Variants in GNAI1 observed in about 807,000 individuals in gnomAD.
GNAI1 encodes the protein G protein subunit alpha i1, also known as guanine nucleotide-binding protein G(i) subunit alpha-1.
Under a neutral mutation model 38.9 loss-of-function variants are expected in GNAI1, and 11 were observed. The observed-to-expected ratio is 0.28, with a 90% CI of 0.18 to 0.47. The LOEUF is 0.47. Ranked by LOEUF, GNAI1 falls within the 20% of genes least tolerant of loss-of-function variation. GNAI1 has a pLI of 0.99. For missense variants in GNAI1, 317 were observed against 436.9 expected (o/e 0.73, Z 2.45); for synonymous variants, 166 against 145.1 (o/e 1.14, Z -1.04).
At chr7:80,213,811 TTTAG>T (rs1482134350) in intron 7 of GNAI1, among the ~76,000 whole-genome samples, 2 of 151,716 alleles carry the variant, frequency 1.3e-5, no homozygotes, top group East Asian at 1.9e-4. Flanking sequence ...GTTTGAAGAG[TTTAG>T]TTATTTACCC....
intron 5 of GNAI1, 118 bp from the exon 6 acceptor site, chr7:80,210,851 C>G (rs111757271): frequency 4.0e-6 from 3 of 741,770 alleles, no homozygotes; most frequent in African/African-American, 3.6e-5. Flanking sequence ...GTCCTTCTCT[C>G]CTTCCTTTTC....
chr7:80,186,412 A>G (rs531105502), intron 1 of GNAI1, among the ~76,000 whole-genome samples: 1 of 152,318 alleles, frequency 6.6e-6, no homozygotes, highest in African/African-American at 2.4e-5. Flanking sequence ...AAGTAAGCTA[A>G]GCGTCCCATG....
At chr7:80,216,662 G>A (rs78209014) in intron 7 of GNAI1, among the ~76,000 whole-genome samples, 3,915 of 152,140 alleles carry the variant, frequency 0.026, 181 homozygotes, top group African/African-American at 0.09. Flanking sequence ...ACTGAATTGC[G>A]GGGTCAGAGT....
chr7:80,137,350 T>C (rs576669281), intron 1 of GNAI1, among the ~76,000 whole-genome samples: 1 of 127,858 alleles, frequency 7.8e-6, no homozygotes, highest in Non-Finnish European at 1.6e-5. Flanking sequence ...AGACGGAGTC[T>C]TGCGCAGTCG....
rs779071707 is a variant in GNAI1, at chr7:80,223,821, T to C, written c.*6328T>C. On this transcript the variant is annotated 3_prime_UTR_variant, in exon 8 of 8. Transcript: ENST00000649796. ...TTTTTTGCAGACTTGAGCATACGTT[T>C]AAACCATTTAACCATTCTTGAATTT... Among the ~76,000 whole-genome samples, 2 of 152,232 alleles carry C rather than the reference T, an allele frequency of 1.3e-5. No homozygotes were observed. The highest frequency in any genetic ancestry group is 2.9e-5 in the Non-Finnish European group (2 of 68,038).
At chr7:80,209,348 G>A (rs1788833388) in intron 5 of GNAI1, among the ~76,000 whole-genome samples, 1 of 152,132 alleles carries the variant, frequency 6.6e-6, no homozygotes, top group Non-Finnish European at 1.5e-5. Flanking sequence ...TGGCAAGCTT[G>A]GACATGAATT....
At chr7:80,183,240 A>C (rs546939990) in intron 1 of GNAI1, among the ~76,000 whole-genome samples, 3 of 152,240 alleles carry the variant, frequency 2.0e-5, no homozygotes, top group Admixed American at 2.0e-4. Flanking sequence ...TCATTTCAAC[A>C]GGGAGAATTG....
rs745477763 is a variant in GNAI1 at position 80,220,857 on chromosome 7, G to A, written c.*3364G>A. On this transcript the variant is annotated 3_prime_UTR_variant, in exon 8 of 8. Transcript: ENST00000649796. The stretch of plus-strand genomic sequence containing the variant: ...CTTATTTCCAGAAAATGTGTAAGTA[G>A]TGTTTCGCCTATCCCCACTCTGCCC... 1.3e-5 allele frequency among the ~76,000 whole-genome samples: 2 copies of A among 152,154 alleles called. No homozygotes were observed. The highest frequency in any genetic ancestry group is 2.9e-5 in the Non-Finnish European group (2 of 68,030).
At position 80,217,785 on chromosome 7, in the gene GNAI1, T is replaced by A. The variant is rs1788999297; in HGVS notation, c.*292T>A. 1 of 194,740 alleles carries A rather than the reference T, an allele frequency of 5.1e-6. No homozygotes were observed. Among genetic ancestry groups the A allele is most frequent in the African/African-American group, 2.3e-5 (1 of 43,400 alleles). The allele number at this position is 194,740 out of a possible 1,614,324, so 12.1% of individuals were successfully genotyped here. A position where few individuals can be genotyped will look rare whatever the true frequency, so the allele number is the denominator to read the frequency against. On this transcript the variant is annotated 3_prime_UTR_variant, in exon 8 of 8. Coordinates refer to ENST00000649796, the MANE Select transcript of GNAI1 (RefSeq NM_002069.6). ...ATGCAAATGTATGTATACATGTATT[T>A]ATGACTTTAGTTTTCGACATTATTT...
intron 1 of GNAI1, among the ~76,000 whole-genome samples, chr7:80,186,173 T>A (rs943857633): frequency 6.6e-6 from 1 of 151,762 alleles, no homozygotes; most frequent in Non-Finnish European, 1.5e-5. Flanking sequence ...GCTGGGTCTA[T>A]AGGCACCTAC....
At position 80,153,171 on chromosome 7, in the gene GNAI1, G is replaced by T. The variant is rs1224050657; in HGVS notation, c.118+17893G>T. Among the ~76,000 whole-genome samples, 6 of 152,232 alleles carry T rather than the reference G, an allele frequency of 3.9e-5. No homozygotes were observed. The East Asian group carries it at 1.2e-3, about 29-fold the overall frequency. ...ACAGGCCAGCCCCTGCATGATAGTG[G>T]TGGAGATTCCAAGAGGGCAGTTAAA... On this transcript the variant is annotated intron_variant, in intron 1 of 7. Transcript: ENST00000649796.
intron 1 of GNAI1, among the ~76,000 whole-genome samples, chr7:80,158,171 A>G (rs955470418): frequency 3.3e-5 from 5 of 152,050 alleles, no homozygotes; most frequent in African/African-American, 7.2e-5. Context: ...CAGTACTCCA[A>G]CTTTGTTCTT....
intron 5 of GNAI1, among the ~76,000 whole-genome samples, chr7:80,205,131 G>A (rs78916333): frequency 0.01 from 1,571 of 152,206 alleles, 25 homozygotes; most frequent in African/African-American, 0.035. Flanking sequence ...TGGGAGGCCC[G>A]TCTGAAGTCA....
At chr7:80,169,447 C>T (rs1198715044) in intron 1 of GNAI1, among the ~76,000 whole-genome samples, 2 of 152,088 alleles carry the variant, frequency 1.3e-5, no homozygotes, top group African/African-American at 2.4e-5. Context: ...TATATAAAAT[C>T]AGTAGTCTTT....
chr7:80,154,808 C>T (rs1020054651), intron 1 of GNAI1, among the ~76,000 whole-genome samples: 1 of 152,134 alleles, frequency 6.6e-6, no homozygotes, highest in South Asian at 2.1e-4. Flanking sequence ...TGATTATTGT[C>T]AGTGGAGCTT....
At chr7:80,144,460 G>C (rs1236114150) in intron 1 of GNAI1, among the ~76,000 whole-genome samples, 2 of 152,148 alleles carry the variant, frequency 1.3e-5, no homozygotes, top group African/African-American at 4.8e-5. Flanking sequence ...AACCTTAATA[G>C]AGAAACAGTG....
At chr7:80,188,190 T>C (rs1257671399) in intron 1 of GNAI1, among the ~76,000 whole-genome samples, 1 of 152,242 alleles carries the variant, frequency 6.6e-6, no homozygotes, top group African/African-American at 2.4e-5. Flanking sequence ...CCATGAGACA[T>C]AGCTGTTTGA....
rs112330788 is a variant in GNAI1 at position 80,195,181 on chromosome 7, A to G, written c.304-4044A>G. Among the ~76,000 whole-genome samples the G allele has an allele frequency of 4.1e-3, 630 of 151,912 alleles. 4 individuals carry two copies. The highest frequency in any genetic ancestry group is 0.014 in the African/African-American group (594 of 41,512). The stretch of plus-strand genomic sequence containing the variant: ...TACCAATTTGAAAAAATATATCTAT[A>G]CATGTATAAGATTTATAAATTTGTA... On this transcript the variant is annotated intron_variant, in intron 3 of 7. Transcript: ENST00000649796.
At chr7:80,183,595 T>TG (rs1452544698) in intron 1 of GNAI1, among the ~76,000 whole-genome samples, 3 of 151,620 alleles carry the variant, frequency 2.0e-5, no homozygotes, top group Non-Finnish European at 4.4e-5. Flanking sequence ...ATGATATAAA[T>TG]GTGACCCTAA....
Sources: allele counts gnomAD v4.1 joint callset (sites outside exome capture counted in the v4.1 genomes callset), GRCh38; gene constraint gnomAD v4.1.1; transcripts MANE v1.5; gene names NCBI Gene and HGNC (gene_info 2026-07-23, HGNC 2026-07-21).